OPRM1: variants seen among roughly 807,000 people sequenced by gnomAD.
The protein encoded by OPRM1 is mu-type opioid receptor.
OPRM1 carries 27 observed loss-of-function variants against 31.8 expected under a neutral mutation model. The ratio of observed to expected loss-of-function variants is 0.85; its 90% CI spans 0.63 to 1.17. The LOEUF (loss-of-function observed/expected upper bound fraction) is 1.17. Among genes scored for constraint, OPRM1 ranks in the 50% most tolerant of loss-of-function variants. The pLI is 0.00. For missense variants in OPRM1, 536 were observed against 511.1 expected (o/e 1.05, Z -0.47); for synonymous variants, 196 against 189.9 (o/e 1.03, Z -0.26).
chr6:154,084,354 A>G (rs535685555), intron 1 of OPRM1, among the ~76,000 whole-genome samples: 5 of 152,292 alleles, frequency 3.3e-5, no homozygotes, highest in African/African-American at 1.2e-4. Flanking sequence ...AATGCCAATG[A>G]GAGGATAATC....
At chr6:154,039,238 T>C (rs753987987), upstream of OPRM1, 11 of 1,551,406 alleles carry the variant, frequency 7.1e-6, no homozygotes, top group Non-Finnish European at 8.7e-6. Context: ...CCCTTTTCCC[T>C]CCTCCCTCCC....
intron 1 of OPRM1, among the ~76,000 whole-genome samples, chr6:154,017,252 C>T (rs1484878260): frequency 6.6e-6 from 1 of 152,118 alleles, no homozygotes; most frequent in East Asian, 1.9e-4. Context: ...GTACTAGTGC[C>T]TGACAAATAG....
At chr6:154,050,510 C>T (rs942927477) in intron 1 of OPRM1, among the ~76,000 whole-genome samples, 1 of 151,618 alleles carries the variant, frequency 6.6e-6, no homozygotes, top group South Asian at 2.1e-4. Context: ...GAAAGACAAA[C>T]TTTGCATGTT....
chr6:154,227,487 G>A (rs1386414232), intron 3 of OPRM1, among the ~76,000 whole-genome samples: 2 of 152,102 alleles, frequency 1.3e-5, no homozygotes, highest in African/African-American at 4.8e-5. Context: ...TGGAGGCCAA[G>A]GTGGGAGGAT....
intron 1 of OPRM1, among the ~76,000 whole-genome samples, chr6:154,018,223 A>G (rs1778125601): frequency 6.6e-6 from 1 of 152,158 alleles, no homozygotes; most frequent in Non-Finnish European, 1.5e-5. Context: ...GTTTGAGACC[A>G]GCCTGGCCAA....
At chr6:154,050,752 C>T (rs1388844337) in intron 1 of OPRM1, among the ~76,000 whole-genome samples, 1 of 152,048 alleles carries the variant, frequency 6.6e-6, no homozygotes, top group Admixed American at 6.6e-5. Context: ...TTTAAAATAA[C>T]ATAAAGAATG....
rs536263087 is a variant in OPRM1 at position 154,129,376 on chromosome 6, G to A, written c.*10655G>A. ...ATTTTTAACTACTGGGTTTAGGCCA[G>A]GCGGGCCCAGGCCTGGTTTCGGGCC... On this transcript the variant is annotated 3_prime_UTR_variant, in exon 4 of 4. Transcript: ENST00000330432. Among the ~76,000 whole-genome samples, 3 of 152,350 alleles carry A rather than the reference G, an allele frequency of 2.0e-5. No individual in the cohort carries two copies. Among genetic ancestry groups the A allele is most frequent in the African/African-American group, 7.2e-5 (3 of 41,582 alleles).
rs949068707 is a variant in OPRM1, at chr6:154,087,615, A to G, written c.291-2211A>G. The G allele has an allele frequency of 1.4e-5, 14 of 984,204 alleles. No homozygotes were observed. The South Asian group carries it at 2.4e-4, about 17-fold the overall frequency. 61.0% of individuals were successfully genotyped at this position (984,204 alleles called of 1,614,324 possible). A position where few individuals can be genotyped will look rare whatever the true frequency, so the allele number is the denominator to read the frequency against. On this transcript the variant is annotated intron_variant, in intron 1 of 3. Coordinates refer to ENST00000330432, the MANE Select transcript of OPRM1 (RefSeq NM_000914.5). ...AGGAAAACTAATACACTCTTTGTCC[A>G]TAAGTCTCAAAATAAACTCTCACTG...
chr6:154,230,063 T>A (rs1583857155), intron 3 of OPRM1, among the ~76,000 whole-genome samples: 1 of 151,460 alleles, frequency 6.6e-6, no homozygotes, highest in Admixed American at 6.6e-5. Context: ...CGGTTGGGGG[T>A]GGGAACTGAC....
downstream of OPRM1, among the ~76,000 whole-genome samples, chr6:154,132,802 C>T (rs1397020927): frequency 1.3e-5 from 2 of 152,072 alleles, no homozygotes; most frequent in African/African-American, 4.8e-5. Context: ...GAAGTGGAAA[C>T]GTCTCAACAT....
rs1013145379 is a variant in OPRM1, at chr6:154,100,496, A to C, written c.1164+9024A>C. Among the ~76,000 whole-genome samples the C allele has an allele frequency of 4.0e-5, 6 of 151,844 alleles. No homozygotes were observed. The East Asian group carries it at 9.6e-4, about 24-fold the overall frequency. The stretch of plus-strand genomic sequence containing the variant: ...TATAACATCTGAACATATTAGAAAC[A>C]CATGCAAAGAAATAAATAGCCTGAT... On this transcript the variant is annotated intron_variant, in intron 3 of 3. Coordinates refer to ENST00000330432, the MANE Select transcript of OPRM1 (RefSeq NM_000914.5).
intron 3 of OPRM1, among the ~76,000 whole-genome samples, chr6:154,170,952 C>T (rs1377944105): frequency 2.0e-5 from 3 of 152,104 alleles, no homozygotes; most frequent in Non-Finnish European, 4.4e-5. Context: ...CTCATTGCAG[C>T]CTTGAACTCC....
intron 3 of OPRM1, among the ~76,000 whole-genome samples, chr6:154,211,191 C>T (rs539631286): frequency 2.0e-5 from 3 of 151,992 alleles, no homozygotes; most frequent in East Asian, 3.9e-4. Flanking sequence ...CCGAGGCAGG[C>T]GGATCATGAG....
At chr6:154,086,786 C>A in intron 1 of OPRM1, 1 of 985,288 alleles carries the variant, frequency 1.0e-6, no homozygotes, top group Non-Finnish European at 1.2e-6. Context: ...AGGAAAGTGG[C>A]AAATGCAATG....
intron 3 of OPRM1, among the ~76,000 whole-genome samples, chr6:154,231,145 A>G (rs1294875477): frequency 6.6e-6 from 1 of 152,232 alleles, no homozygotes; most frequent in Non-Finnish European, 1.5e-5. Context: ...AGTTGTCTCT[A>G]GATTCTCACA....
Position 154,240,782 on chromosome 6 carries a change from C to T in OPRM1, c.1165-5911C>T, listed in dbSNP as rs149222948. Among the ~76,000 whole-genome samples, 517 of 152,326 alleles carry T rather than the reference C, an allele frequency of 3.4e-3. 2 individuals carry two copies. Among genetic ancestry groups the T allele is most frequent in the Non-Finnish European group, 5.2e-3 (356 of 68,030 alleles). ...ATCTCATGCAGACAGTTACTTCAAT[C>T]CCCAAACATGCAAAACTTTCACAAT... is the stretch of plus-strand genomic sequence containing the variant. On this transcript the variant is annotated intron_variant, in intron 3 of 3. Coordinates refer to the OPRM1 transcript ENST00000337049.
intron 3 of OPRM1, among the ~76,000 whole-genome samples, chr6:154,170,398 T>C (rs923382796): frequency 3.3e-5 from 5 of 152,112 alleles, no homozygotes; most frequent in Non-Finnish European, 5.9e-5. Flanking sequence ...CCAAGCAAAC[T>C]TCACATGCCT....
chr6:154,133,156 A>G (rs1427661959), downstream of OPRM1, among the ~76,000 whole-genome samples: 1 of 152,132 alleles, frequency 6.6e-6, no homozygotes, highest in Non-Finnish European at 1.5e-5. Context: ...AACTATCTCA[A>G]AATAACATTG....
At chr6:154,087,201 C>G (rs1790798713) in intron 1 of OPRM1, 2 of 985,182 alleles carry the variant, frequency 2.0e-6, no homozygotes, top group Non-Finnish European at 2.4e-6. Flanking sequence ...GTATTGCAGA[C>G]CAGATCAGGT....
Sources: allele counts gnomAD v4.1 joint callset (sites outside exome capture counted in the v4.1 genomes callset), GRCh38; gene constraint gnomAD v4.1.1; transcripts MANE v1.5; gene names NCBI Gene and HGNC (gene_info 2026-07-23, HGNC 2026-07-21).